EYA1: variants seen among roughly 807,000 people sequenced by gnomAD.
The protein encoded by EYA1 is EYA transcriptional coactivator and phosphatase 1.
A neutral mutation model predicts 82.0 loss-of-function variants in EYA1; 16 were observed. The ratio of observed to expected loss-of-function variants is 0.20; its 90% CI spans 0.13 to 0.30. EYA1 has a LOEUF of 0.30. EYA1 is among the 10% of genes least tolerant of loss of function. EYA1 has a pLI of 1.00. For missense variants in EYA1, 633 were observed against 730.7 expected (o/e 0.87, Z 1.54); for synonymous variants, 261 against 264.4 (o/e 0.99, Z 0.12).
chr8:71,515,127 T>C (rs983544636), intron 2 of EYA1, among the ~76,000 whole-genome samples: 2 of 152,146 alleles, frequency 1.3e-5, no homozygotes, highest in Non-Finnish European at 2.9e-5. Flanking sequence ...AAAATCATCT[T>C]GAAAGAAAGA....
At chr8:71,428,406 A>T (rs1291905277) in intron 2 of EYA1, among the ~76,000 whole-genome samples, 1 of 152,238 alleles carries the variant, frequency 6.6e-6, no homozygotes, top group Non-Finnish European at 1.5e-5. Flanking sequence ...AAACAATCTC[A>T]TGAGTTTAAA....
chr8:71,376,118 G>A (rs1242783300), intron 2 of EYA1, among the ~76,000 whole-genome samples: 1 of 152,196 alleles, frequency 6.6e-6, no homozygotes, highest in Admixed American at 6.5e-5. Flanking sequence ...TGCTATTATA[G>A]TTAGCCAAAG....
chr8:71,491,029 GA>G (rs552751370), intron 2 of EYA1, among the ~76,000 whole-genome samples: 11 of 147,500 alleles, frequency 7.5e-5, no homozygotes, highest in East Asian at 2.0e-4. Context: ...ATGATTGGAT[GA>G]AAAAAAAAAC....
At chr8:71,547,670 T>C (rs1586928408) in intron 1 of EYA1, 1 of 151,424 alleles carries the variant, frequency 6.6e-6, no homozygotes, top group Admixed American at 6.6e-5. Flanking sequence ...AGCCGCGGGC[T>C]CTCGGCCGCC....
At chr8:71,498,317 A>T (rs1811570762) in intron 2 of EYA1, among the ~76,000 whole-genome samples, 1 of 152,202 alleles carries the variant, frequency 6.6e-6, no homozygotes, top group Admixed American at 6.5e-5. Flanking sequence ...TGATAAATAC[A>T]TACAATTTTA....
intron 2 of EYA1, among the ~76,000 whole-genome samples, chr8:71,524,734 G>A (rs1441714664): frequency 1.3e-5 from 2 of 152,154 alleles, no homozygotes; most frequent in Non-Finnish European, 2.9e-5. Flanking sequence ...GCGAGTGAAT[G>A]TCACCCATTG....
intron 2 of EYA1, among the ~76,000 whole-genome samples, chr8:71,374,078 A>G (rs917764372): frequency 6.6e-6 from 1 of 152,168 alleles, no homozygotes; most frequent in Non-Finnish European, 1.5e-5. Flanking sequence ...GGTCTTGGTG[A>G]TGATTTTTTT....
At chr8:71,244,897 G>T (rs1812892951) in intron 11 of EYA1, among the ~76,000 whole-genome samples, 1 of 152,150 alleles carries the variant, frequency 6.6e-6, no homozygotes, top group Non-Finnish European at 1.5e-5. Context: ...AGCCCCAAAT[G>T]TTGATGGTGC....
At chr8:71,492,462 A>C (rs543235335) in intron 2 of EYA1, among the ~76,000 whole-genome samples, 2 of 124,288 alleles carry the variant, frequency 1.6e-5, no homozygotes, top group Non-Finnish European at 3.3e-5. Context: ...TTATTTATTT[A>C]TTATTATTTT....
At position 71,231,570 on chromosome 8, in the gene EYA1, T is replaced by G. The variant is rs1166192342; in HGVS notation, c.1140+13033A>C. ...ACTCTAGCTAATGACCACAGACATC[T>G]CCATCATTGCTGTGATGGAATTATT... On this transcript the variant is annotated intron_variant, in intron 12 of 17. Coordinates refer to ENST00000340726, the MANE Select transcript of EYA1 (RefSeq NM_000503.6). Among the ~76,000 whole-genome samples the G allele has an allele frequency of 2.0e-5, 3 of 152,312 alleles. No individual in the cohort carries two copies. In the East Asian group the frequency reaches 5.8e-4, roughly 29 times the overall value.
intron 9 of EYA1, among the ~76,000 whole-genome samples, chr8:71,279,044 T>A (rs1200964606): frequency 6.6e-6 from 1 of 152,170 alleles, no homozygotes; most frequent in African/African-American, 2.4e-5. Flanking sequence ...GAGGCCAGGG[T>A]AGCTACGATC....
chr8:71,318,978 A>G (rs1822224485), intron 6 of EYA1, among the ~76,000 whole-genome samples: 3 of 152,178 alleles, frequency 2.0e-5, no homozygotes, highest in Admixed American at 2.0e-4. Context: ...GTCCCTGGAA[A>G]TACACCTGCC....
chr8:71,282,194 G>A (rs1171512670), intron 9 of EYA1, among the ~76,000 whole-genome samples: 1 of 152,050 alleles, frequency 6.6e-6, no homozygotes, highest in Non-Finnish European at 1.5e-5. Context: ...CCTCCTTTTG[G>A]CATGAGACTC....
chr8:71,360,972 T>G (rs560511679), intron 1 of EYA1, among the ~76,000 whole-genome samples: 16 of 152,324 alleles, frequency 1.1e-4, no homozygotes, highest in South Asian at 4.1e-4. Flanking sequence ...AAATGGTAAT[T>G]CAAAAGTTTA....
intron 2 of EYA1, among the ~76,000 whole-genome samples, chr8:71,368,702 C>G (rs1472512145): frequency 6.6e-6 from 1 of 151,862 alleles, no homozygotes; most frequent in East Asian, 1.9e-4. Context: ...TTTGATAAAC[C>G]TAAAAATGGA....
chr8:71,319,423 C>T (rs1364712904), intron 6 of EYA1, among the ~76,000 whole-genome samples: 1 of 152,170 alleles, frequency 6.6e-6, no homozygotes, highest in Non-Finnish European at 1.5e-5. Flanking sequence ...AGCCACTGCG[C>T]CTGGCCTAAG....
intron 7 of EYA1, among the ~76,000 whole-genome samples, chr8:71,311,965 G>A (rs1047403083): frequency 6.6e-6 from 1 of 152,182 alleles, no homozygotes; most frequent in Non-Finnish European, 1.5e-5. Context: ...AGCTGAAAGG[G>A]TGATTCCAGA....
At chr8:71,439,845 C>G (rs1806282906) in intron 2 of EYA1, among the ~76,000 whole-genome samples, 2 of 152,126 alleles carry the variant, frequency 1.3e-5, no homozygotes, top group Admixed American at 6.5e-5. Flanking sequence ...GGACTTAGCT[C>G]TGATAATGAA....
At chr8:71,544,298 T>C (rs1276110919) in intron 1 of EYA1, among the ~76,000 whole-genome samples, 7 of 152,048 alleles carry the variant, frequency 4.6e-5, no homozygotes, top group Non-Finnish European at 7.4e-5. Context: ...CAGAAGGAAG[T>C]CAGGGAATTC....
Sources: gnomAD v4.1 joint callset for allele counts (sites outside exome capture counted in the v4.1 genomes callset) on GRCh38, gnomAD v4.1.1 for gene constraint, MANE v1.5 for transcripts, NCBI Gene and HGNC (gene_info 2026-07-23, HGNC 2026-07-21) for gene names.